Variants in MOGAT2 observed in about 807,000 individuals in gnomAD.
The protein encoded by MOGAT2 is monoacylglycerol O-acyltransferase 2.
In MOGAT2, 27 loss-of-function variants were observed where a neutral mutation model predicts 31.5. The observed-to-expected ratio is 0.86, with a 90% CI of 0.63 to 1.18. The LOEUF (loss-of-function observed/expected upper bound fraction) is 1.18. MOGAT2 is among the 50% of genes most tolerant of loss of function. MOGAT2 has a pLI of 0.00. For missense variants in MOGAT2, 436 were observed against 433.2 expected (o/e 1.01, Z -0.06); for synonymous variants, 163 against 170.0 (o/e 0.96, Z 0.32).
Position 75,717,918 on chromosome 11 carries a change from G to C in MOGAT2, c.30G>C (p.Pro10=). 6.2e-7 allele frequency: 1 copy of C among 1,614,196 alleles called. No individual in the cohort carries two copies. Among genetic ancestry groups the C allele is most frequent in the Non-Finnish European group, 8.5e-7 (1 of 1,180,022 alleles). Residue 10 remains proline, a synonymous_variant, in exon 1 of 6, where the codon CCG becomes CCC. Coordinates refer to ENST00000198801, the MANE Select transcript of MOGAT2 (RefSeq NM_025098.4). The part of the protein sequence containing the change: MVEFAPLFM[P]WERRLQTLAV... ...TAGAGTTCGCGCCCTTGTTTATGCC[G>C]TGGGAGCGCAGGCTGCAGACACTTG...
At chr11:75,729,739 TC>T (rs1944457227) in intron 5 of MOGAT2, among the ~76,000 whole-genome samples, 2 of 15,248 alleles carry the variant, frequency 1.3e-4, no homozygotes, top group Non-Finnish European at 2.2e-4. Flanking sequence ...AGGGTTTAAT[TC>T]TTTTTTTTTT....
chr11:75,722,717 A>T (rs1565299551), intron 2 of MOGAT2, among the ~76,000 whole-genome samples: 1 of 152,226 alleles, frequency 6.6e-6, no homozygotes, highest in Non-Finnish European at 1.5e-5. Flanking sequence ...GTCTTCAGCC[A>T]GCCCAATGGC....
At chr11:75,729,800 A>G (rs1016704256) in intron 5 of MOGAT2, among the ~76,000 whole-genome samples, 2 of 135,300 alleles carry the variant, frequency 1.5e-5, no homozygotes, top group Admixed American at 1.7e-4. Flanking sequence ...GCTGGAGTGC[A>G]GTGGCATGAG....
intron 2 of MOGAT2, among the ~76,000 whole-genome samples, chr11:75,723,748 G>A (rs1944396960): frequency 6.6e-6 from 1 of 152,106 alleles, no homozygotes; most frequent in Non-Finnish European, 1.5e-5. Flanking sequence ...TGCATTTTAT[G>A]GTGCATAAAT....
Position 75,728,054 on chromosome 11 carries a change from G to A in MOGAT2, c.560G>A (p.Gly187Asp), listed in dbSNP as rs952870689. 9.9e-6 allele frequency: 16 copies of A among 1,614,010 alleles called. No individual in the cohort carries two copies. Among genetic ancestry groups the A allele is most frequent in the East Asian group, 2.2e-5 (1 of 44,898 alleles). Residue 187 changes from glycine (G) to aspartate (D), a missense_variant, in exon 4 of 6, where the codon GGT becomes GAT. By Grantham distance (94) the Gly-to-Asp change is moderately conservative. Transcript: ENST00000198801. ...AACTTGCTGGGCATCATTGTAGGGG[G>A]TGCCCAGGAGGCCCTGGATGCCAGG... Reference protein sequence around the residue: ...GGNLLGIIVGGAQEALDARPG... With the variant: ...GGNLLGIIVGDAQEALDARPG...
chr11:75,725,509 C>T (rs573990307), intron 2 of MOGAT2, among the ~76,000 whole-genome samples: 3 of 152,010 alleles, frequency 2.0e-5, no homozygotes, highest in East Asian at 3.9e-4. Flanking sequence ...GATCATGCCA[C>T]TGCACTCCAG....
At position 75,731,517 on chromosome 11, in the gene MOGAT2, A is replaced by G. The variant is rs1379118910; in HGVS notation, c.*231A>G. 2.1e-6 allele frequency: 1 copy of G among 469,644 alleles called. No homozygotes were observed. The highest frequency in any genetic ancestry group is 3.5e-6 in the Non-Finnish European group (1 of 282,092). The allele number at this position is 469,644 out of a possible 1,614,324, so 29.1% of individuals were successfully genotyped here. On this transcript the variant is annotated 3_prime_UTR_variant, in exon 6 of 6. Coordinates refer to ENST00000198801, the MANE Select transcript of MOGAT2 (RefSeq NM_025098.4). ...AGAGGGGCTGGGCCTCTCTTTGCAC[A>G]TGGACACTGGGCCCCTCTCTATATT...
At chr11:75,723,752 C>A (rs777768622) in intron 2 of MOGAT2, among the ~76,000 whole-genome samples, 6 of 152,122 alleles carry the variant, frequency 3.9e-5, no homozygotes, top group Non-Finnish European at 8.8e-5. Context: ...TTTTATGGTG[C>A]ATAAATTATA....
intron 2 of MOGAT2, among the ~76,000 whole-genome samples, chr11:75,724,016 G>T (rs1944398668): frequency 6.6e-6 from 1 of 152,210 alleles, no homozygotes; most frequent in African/African-American, 2.4e-5. Context: ...CCCTGCCAGG[G>T]AGGCGTTATC....
At position 75,727,579 on chromosome 11, in the gene MOGAT2, C is replaced by T; in HGVS notation, c.415C>T (p.Leu139=). The change falls in exon 3 of 6, where the codon CTG becomes TTG. Residue 139 remains leucine, a synonymous_variant. Coordinates refer to ENST00000198801, the MANE Select transcript of MOGAT2 (RefSeq NM_025098.4). ...GATCTTCCCCGGTATCCGCCCCCAT[C>T]TGATGATGCTGACCTTGTGGTTCCG... ...SSIFPGIRPH[L]MMLTLWFRAP... 1 of 1,614,218 alleles carries T rather than the reference C, an allele frequency of 6.2e-7. No homozygotes were observed. The highest frequency in any genetic ancestry group is 1.3e-5 in the African/African-American group (1 of 75,050).
At chr11:75,729,455 A>G (rs1004169081) in intron 5 of MOGAT2, among the ~76,000 whole-genome samples, 2 of 152,056 alleles carry the variant, frequency 1.3e-5, no homozygotes, top group Admixed American at 1.3e-4. Flanking sequence ...TTGTATTTTT[A>G]GTAGAGATGG....
chr11:75,718,076 A>T, intron 1 of MOGAT2, 97 bp downstream of exon 1: 1 of 1,224,742 alleles, frequency 8.2e-7, no homozygotes, highest in Non-Finnish European at 1.2e-6. Flanking sequence ...GTGGCAAGAC[A>T]TTTATCCTAA....
chr11:75,727,749 G>T lies in MOGAT2; in HGVS notation c.475+110G>T. The T allele has an allele frequency of 3.4e-6, 4 of 1,184,792 alleles. No individual in the cohort carries two copies. The South Asian group carries it at 5.7e-5, about 17-fold the overall frequency. 73.4% of individuals were successfully genotyped at this position (1,184,792 alleles called of 1,614,324 possible). A position where few individuals can be genotyped will look rare whatever the true frequency, so the allele number is the denominator to read the frequency against. On this transcript the variant is annotated intron_variant, in intron 3 of 5. Coordinates refer to ENST00000198801, the MANE Select transcript of MOGAT2 (RefSeq NM_025098.4). Reference sequence around the variant, plus strand: ...GTGTGCAGTAGGAGAAGGAGGCTAGGCCCAAAGAAGCACTTCCTACAGCAC... The same window carrying T: ...GTGTGCAGTAGGAGAAGGAGGCTAGTCCCAAAGAAGCACTTCCTACAGCAC...
chr11:75,718,565 G>A lies in MOGAT2; in HGVS notation c.91+586G>A, dbSNP rs561604155. Among the ~76,000 whole-genome samples, 17 of 152,242 alleles carry A rather than the reference G, an allele frequency of 1.1e-4. No homozygotes were observed. The South Asian group carries it at 2.7e-3, about 24-fold the overall frequency. On this transcript the variant is annotated intron_variant, in intron 1 of 5. Transcript: ENST00000198801. ...GCCTCGACTTCACCATCTGCAGAAC[G>A]GGGACAACAATGCTGGCCTTGCAGG...
At chr11:75,729,087 C>A in intron 5 of MOGAT2, 98 bp downstream of exon 5, 1 of 1,115,976 alleles carries the variant, frequency 9.0e-7, no homozygotes, top group Non-Finnish European at 1.3e-6. Context: ...TATTCCTGCC[C>A]TAATGGGGCT....
At chr11:75,728,313 G>A in intron 4 of MOGAT2, 169 bp downstream of exon 4, 1 of 808,512 alleles carries the variant, frequency 1.2e-6, no homozygotes. Context: ...ACCTAGAAAA[G>A]TTTCCACAAC....
intron 2 of MOGAT2, among the ~76,000 whole-genome samples, 195 bp from the exon 3 acceptor site, chr11:75,727,240 A>G (rs995809599): frequency 2.1e-4 from 32 of 152,308 alleles, no homozygotes; most frequent in African/African-American, 7.2e-4. Context: ...AGTCTGTGGC[A>G]CAGCCAGCAC....
rs1944481474 is a variant in MOGAT2, at chr11:75,731,606, T to G, written c.*320T>G. On this transcript the variant is annotated 3_prime_UTR_variant, in exon 6 of 6. Transcript: ENST00000198801. ...AGATGAGAGCCAAAGCTGCACGGAC[T>G]CGAGTCCTAGGCTGCACACCTCACA... 1 of 252,552 alleles carries G rather than the reference T, an allele frequency of 4.0e-6. No homozygotes were observed. The highest frequency in any genetic ancestry group is 5.2e-5 in the Admixed American group (1 of 19,378). The allele number at this position is 252,552 out of a possible 1,614,324, so 15.6% of individuals were successfully genotyped here.
In MOGAT2 at chr11:75,720,056, G is replaced by A. The variant is rs1324804232; in HGVS notation, c.156G>A (p.Leu52=). The A allele has an allele frequency of 1.9e-6, 3 of 1,614,006 alleles. No homozygotes were observed. Among genetic ancestry groups the A allele is most frequent in the African/African-American group, 1.3e-5 (1 of 74,920 alleles). ...CAAGATTCTGGCTCCTCACTGTCCT[G>A]TATGCGGCCTGGTGGTATCTGGACC... ...LFTRFWLLTV[L]YAAWWYLDRD... is the part of the protein sequence containing the mutation. The change falls in exon 2 of 6, where the codon CTG becomes CTA. Residue 52 remains leucine, a synonymous_variant. Transcript: ENST00000198801.
Sources: gnomAD v4.1 joint callset for allele counts (sites outside exome capture counted in the v4.1 genomes callset) on GRCh38, gnomAD v4.1.1 for gene constraint, MANE v1.5 for transcripts, NCBI Gene and HGNC (gene_info 2026-07-23, HGNC 2026-07-21) for gene names.